COL13A1: variants seen among roughly 807,000 people sequenced by gnomAD.
COL13A1 encodes collagen alpha-1(XIII) chain.
Under a neutral mutation model 130.9 loss-of-function variants are expected in COL13A1, and 89 were observed. The observed-to-expected ratio is 0.68, with a 90% CI of 0.57 to 0.81. COL13A1 has a LOEUF of 0.81. Ranked by LOEUF, COL13A1 falls within the 30% of genes least tolerant of loss-of-function variation. The pLI is 0.00. For missense variants in COL13A1, 879 were observed against 934.6 expected (o/e 0.94, Z 0.78); for synonymous variants, 402 against 341.6 (o/e 1.18, Z -1.95).
At chr10:69,910,588 C>A (rs946847516) in intron 17 of COL13A1, among the ~76,000 whole-genome samples, 2 of 152,234 alleles carry the variant, frequency 1.3e-5, no homozygotes, top group Admixed American at 6.5e-5. Context: ...GATCAAAGCC[C>A]AGTGTGGCCA....
intron 17 of COL13A1, among the ~76,000 whole-genome samples, chr10:69,914,444 G>A (rs1372860330): frequency 6.6e-6 from 1 of 152,182 alleles, no homozygotes; most frequent in Non-Finnish European, 1.5e-5. Flanking sequence ...TGATCTAACC[G>A]CACTTTGCAA....
intron 10 of COL13A1, among the ~76,000 whole-genome samples, chr10:69,893,564 A>G (rs2061384767): frequency 6.6e-6 from 1 of 152,168 alleles, no homozygotes; most frequent in Non-Finnish European, 1.5e-5. Flanking sequence ...ACCCTTGGGG[A>G]TCTGCAGTGC....
intron 13 of COL13A1, among the ~76,000 whole-genome samples, chr10:69,896,552 G>A (rs934608661): frequency 7.2e-5 from 11 of 152,298 alleles, no homozygotes; most frequent in East Asian, 1.9e-4. Flanking sequence ...CGGGTGGTGC[G>A]ATTTTGGGAG....
chr10:69,887,514 A>G, intron 8 of COL13A1, 23 bp downstream of exon 8: 1 of 1,613,212 alleles, frequency 6.2e-7, no homozygotes, highest in Non-Finnish European at 8.5e-7. Flanking sequence ...GGCTGAAGTT[A>G]GCTGTGTCCC....
intron 28 of COL13A1, 74 bp from the exon 29 acceptor site, chr10:69,929,969 G>A (rs935808691): frequency 2.4e-6 from 3 of 1,224,806 alleles, no homozygotes; most frequent in South Asian, 1.2e-5. Flanking sequence ...GATGCCGGGT[G>A]CACTAAGCAA....
At chr10:69,852,308 G>GATA (rs892051643) in intron 2 of COL13A1, among the ~76,000 whole-genome samples, 4 of 152,136 alleles carry the variant, frequency 2.6e-5, no homozygotes, top group East Asian at 1.9e-4. Context: ...TGCGGCTAGA[G>GATA]ATAATAATAA....
chr10:69,947,478 A>T (rs2068731197), intron 38 of COL13A1, 136 bp downstream of exon 38: 1 of 816,626 alleles, frequency 1.2e-6, no homozygotes, highest in East Asian at 2.8e-5. Context: ...AGGCTTTACA[A>T]GGAGGGCCTT....
intron 31 of COL13A1, among the ~76,000 whole-genome samples, chr10:69,933,636 T>C (rs2066454995): frequency 6.6e-6 from 1 of 152,180 alleles, no homozygotes; most frequent in African/African-American, 2.4e-5. Context: ...ACAGGCCTGA[T>C]TGTACAATGT....
At chr10:69,915,262 G>GT (rs1234129689) in intron 17 of COL13A1, among the ~76,000 whole-genome samples, 1 of 152,204 alleles carries the variant, frequency 6.6e-6, no homozygotes, top group African/African-American at 2.4e-5. Context: ...GGCAGCTGCA[G>GT]TAAGTGGCTG....
At chr10:69,894,489 C>T (rs2061457992) in intron 10 of COL13A1, 63 bp from the exon 11 acceptor site, 1 of 1,599,362 alleles carries the variant, frequency 6.3e-7, no homozygotes. Flanking sequence ...CCCACCCAGG[C>T]AGGTGTCCCT....
chr10:69,930,332 ACT>A, intron 29 of COL13A1, 66 bp from the exon 30 acceptor site: 1 of 1,440,030 alleles, frequency 6.9e-7, no homozygotes. Flanking sequence ...GGACTTTTCT[ACT>A]CTCTCTCCCT....
In COL13A1 at chr10:69,926,841, C is replaced by T. The variant is rs575936029; in HGVS notation, c.1399-246C>T. Reference sequence around the variant, plus strand: ...GGGTGTGCCTGAGTCCATTGTAGGACGGCCTCAGAGTATAATCATGCTTAG... The same window carrying T: ...GGGTGTGCCTGAGTCCATTGTAGGATGGCCTCAGAGTATAATCATGCTTAG... On this transcript the variant is annotated intron_variant, in intron 26 of 40. Transcript: ENST00000645393. 1.2e-3 allele frequency among the ~76,000 whole-genome samples: 176 copies of T among 152,214 alleles called. 1 individual carries two copies. The highest frequency in any genetic ancestry group is 3.8e-3 in the African/African-American group (157 of 41,510).
intron 40 of COL13A1, 30 bp downstream of exon 40, chr10:69,957,072 C>G: frequency 1.3e-6 from 2 of 1,593,616 alleles, no homozygotes; most frequent in Non-Finnish European, 1.7e-6. Context: ...TGCACTGGGG[C>G]TCCGTTCTCA....
chr10:69,923,969 A>G (rs2065024386), intron 24 of COL13A1, 114 bp downstream of exon 24: 1 of 1,381,756 alleles, frequency 7.2e-7, no homozygotes, highest in Non-Finnish European at 9.9e-7. Context: ...ACCGGCCATG[A>G]CCACTGGCTT....
At chr10:69,945,468 G>A (rs575206261) in intron 36 of COL13A1, among the ~76,000 whole-genome samples, 4 of 152,316 alleles carry the variant, frequency 2.6e-5, no homozygotes, top group Admixed American at 1.3e-4. Flanking sequence ...CTCTGCTGGA[G>A]GGAGAGTGAG....
intron 3 of COL13A1, among the ~76,000 whole-genome samples, chr10:69,868,649 G>C (rs185877471): frequency 6.6e-6 from 1 of 152,306 alleles, no homozygotes; most frequent in East Asian, 1.9e-4. Flanking sequence ...CCCTTCCTTG[G>C]AGAAGTCATT....
At position 69,861,044 on chromosome 10, in the gene COL13A1, G is replaced by C. The variant is rs556366164; in HGVS notation, c.365-6754G>C. Among the ~76,000 whole-genome samples, 367 of 152,284 alleles carry C rather than the reference G, an allele frequency of 2.4e-3. 2 individuals are homozygous for C. The highest frequency in any genetic ancestry group is 3.9e-3 in the Non-Finnish European group (264 of 68,008). On this transcript the variant is annotated intron_variant, in intron 2 of 40. Transcript: ENST00000645393. ...GTAACCAAGAAAGTCTGCTACTTAG[G>C]CACACCCTCCTGCGTCCACAGAGAG...
intron 36 of COL13A1, 111 bp downstream of exon 36, chr10:69,944,289 G>C (rs886463952): frequency 1.2e-5 from 11 of 932,090 alleles, no homozygotes; most frequent in Non-Finnish European, 1.9e-5. Flanking sequence ...TCTTCTCCTG[G>C]TCATCCTCAC....
At chr10:69,830,167 C>A (rs1242306602) in intron 2 of COL13A1, among the ~76,000 whole-genome samples, 1 of 152,234 alleles carries the variant, frequency 6.6e-6, no homozygotes, top group Non-Finnish European at 1.5e-5. Context: ...ACTGAAAAAT[C>A]ATTTGGCAGT....
Sources: gnomAD v4.1 joint callset for allele counts (sites outside exome capture counted in the v4.1 genomes callset) on GRCh38, gnomAD v4.1.1 for gene constraint, MANE v1.5 for transcripts, NCBI Gene and HGNC (gene_info 2026-07-23, HGNC 2026-07-21) for gene names.